CNTN5: variants seen among roughly 807,000 people sequenced by gnomAD.
CNTN5 encodes the protein contactin-5.
A neutral mutation model predicts 129.1 loss-of-function variants in CNTN5; 77 were observed. The observed-to-expected ratio is 0.60, with a 90% confidence interval of 0.50 to 0.72. The LOEUF (loss-of-function observed/expected upper bound fraction) is 0.72. Ranked by LOEUF, CNTN5 falls within the 30% of genes least tolerant of loss-of-function variation. The pLI is 0.00. For missense variants in CNTN5, 1,478 were observed against 1,328.8 expected (o/e 1.11, Z -1.75); for synonymous variants, 509 against 465.6 (o/e 1.09, Z -1.20).
At chr11:100,154,942 C>A (rs564162111) in intron 13 of CNTN5, among the ~76,000 whole-genome samples, 61 of 151,834 alleles carry the variant, frequency 4.0e-4, no homozygotes, top group African/African-American at 1.4e-3. Context: ...ATGGGTAGAT[C>A]ACAAAAATTT....
At chr11:99,983,965 T>C (rs757748253) in intron 8 of CNTN5, among the ~76,000 whole-genome samples, 20 of 152,086 alleles carry the variant, frequency 1.3e-4, no homozygotes, top group Admixed American at 1.2e-3. Context: ...ATTGGTATCA[T>C]AAGAAATAAA....
intron 13 of CNTN5, among the ~76,000 whole-genome samples, chr11:100,170,285 G>A (rs1046824742): frequency 2.0e-5 from 3 of 151,962 alleles, no homozygotes; most frequent in Non-Finnish European, 4.4e-5. Context: ...TAAAATCTGT[G>A]TATGATTTTG....
chr11:99,548,343 A>C (rs1283570687), intron 2 of CNTN5, among the ~76,000 whole-genome samples: 1 of 152,226 alleles, frequency 6.6e-6, no homozygotes, highest in Non-Finnish European at 1.5e-5. Context: ...AAATTGAAAG[A>C]GGTTCAGAGA....
intron 2 of CNTN5, among the ~76,000 whole-genome samples, chr11:99,533,694 A>G (rs1400630112): frequency 1.3e-5 from 2 of 152,212 alleles, no homozygotes; most frequent in African/African-American, 4.8e-5. Context: ...CAGGGAACCC[A>G]ATGCCTAAAG....
chr11:100,103,903 G>T (rs1456788487), intron 13 of CNTN5, among the ~76,000 whole-genome samples: 1 of 152,068 alleles, frequency 6.6e-6, no homozygotes, highest in Non-Finnish European at 1.5e-5. Flanking sequence ...AGAGATTTTT[G>T]ACTTACAGCA....
chr11:99,664,458 C>T (rs1308883506), intron 3 of CNTN5, among the ~76,000 whole-genome samples: 2 of 152,062 alleles, frequency 1.3e-5, no homozygotes, highest in African/African-American at 4.8e-5. Context: ...GGCAAGGGTG[C>T]AAGGAAAACC....
At chr11:100,039,131 G>C (rs1187672068) in intron 9 of CNTN5, among the ~76,000 whole-genome samples, 1 of 152,102 alleles carries the variant, frequency 6.6e-6, no homozygotes, top group Admixed American at 6.6e-5. Flanking sequence ...CATGTTTAGT[G>C]CTTCCTTCAG....
intron 9 of CNTN5, among the ~76,000 whole-genome samples, chr11:100,004,298 CT>C (rs570893144): frequency 9.2e-5 from 14 of 151,640 alleles, no homozygotes; most frequent in Non-Finnish European, 1.6e-4. Flanking sequence ...GCATGTCAAA[CT>C]TTTTTTTTGT....
chr11:99,731,557 A>T (rs1943535615), intron 3 of CNTN5, among the ~76,000 whole-genome samples: 2 of 152,144 alleles, frequency 1.3e-5, no homozygotes, highest in Non-Finnish European at 1.5e-5. Context: ...AGAGAGGAGG[A>T]TAGCAGTGCT....
At position 99,956,795 on chromosome 11, in the gene CNTN5, T is replaced by C. The variant is rs1950813933; in HGVS notation, c.674-11T>C. On this transcript the variant is annotated splice_polypyrimidine_tract_variant and intron_variant, in intron 7 of 24. Transcript: ENST00000524871. ...AAAGTCTTTCGTTGACCAAATTTTG[T>C]GTATTTTCAGAGATCATCTATAGCT... 1 of 1,609,892 alleles carries C rather than the reference T, an allele frequency of 6.2e-7. No individual in the cohort carries two copies. The highest frequency in any genetic ancestry group is 8.5e-7 in the Non-Finnish European group (1 of 1,177,300).
At chr11:100,075,585 C>T (rs536004330) in intron 13 of CNTN5, among the ~76,000 whole-genome samples, 1 of 151,758 alleles carries the variant, frequency 6.6e-6, no homozygotes, top group South Asian at 2.1e-4. Context: ...AGTATGTGAT[C>T]TAATGGTTAT....
intron 1 of CNTN5, among the ~76,000 whole-genome samples, chr11:99,280,518 G>A (rs991344900): frequency 6.6e-6 from 1 of 151,240 alleles, no homozygotes; most frequent in Non-Finnish European, 1.5e-5. Flanking sequence ...TCAATTGCCA[G>A]CAAGAAAAAC....
intron 2 of CNTN5, among the ~76,000 whole-genome samples, chr11:99,463,490 T>C (rs1944813984): frequency 6.6e-6 from 1 of 150,448 alleles, no homozygotes; most frequent in African/African-American, 2.4e-5. Context: ...AATCCAACTT[T>C]CAGTGAAGAA....
chr11:99,619,466 A>G (rs1950862780), intron 3 of CNTN5, among the ~76,000 whole-genome samples: 4 of 152,114 alleles, frequency 2.6e-5, no homozygotes, highest in Non-Finnish European at 5.9e-5. Context: ...AATTGCTTCC[A>G]TTTCACATTT....
intron 3 of CNTN5, among the ~76,000 whole-genome samples, chr11:99,699,575 G>A (rs2134857595): frequency 1.3e-5 from 2 of 151,410 alleles, no homozygotes; most frequent in African/African-American, 4.8e-5. Flanking sequence ...CACTACAAAG[G>A]CTAGGGATAA....
intron 15 of CNTN5, among the ~76,000 whole-genome samples, chr11:100,201,352 AG>A (rs1357865873): frequency 6.6e-6 from 1 of 151,928 alleles, no homozygotes; most frequent in East Asian, 1.9e-4. Context: ...AAAAAAAAAA[AG>A]TCTTAATTAT....
At chr11:100,356,045 C>T in intron 24 of CNTN5, 72 bp from the exon 25 acceptor site, 1 of 1,008,038 alleles carries the variant, frequency 9.9e-7, no homozygotes, top group Non-Finnish European at 1.5e-6. Context: ...GTCTTACATA[C>T]TAAAAACAAT....
intron 2 of CNTN5, among the ~76,000 whole-genome samples, chr11:99,399,490 CAT>C (rs1350495072): frequency 1.8e-4 from 28 of 151,680 alleles, no homozygotes. Context: ...TTTTACAAAA[CAT>C]GTAGAAATAT....
chr11:99,547,976 A>G (rs1948356218), intron 2 of CNTN5, among the ~76,000 whole-genome samples: 1 of 152,154 alleles, frequency 6.6e-6, no homozygotes, highest in African/African-American at 2.4e-5. Flanking sequence ...GAAATAATAT[A>G]TTTACCTATA....
Sources: allele counts gnomAD v4.1 joint callset (sites outside exome capture counted in the v4.1 genomes callset), GRCh38; gene constraint gnomAD v4.1.1; transcripts MANE v1.5; gene names NCBI Gene and HGNC (gene_info 2026-07-23, HGNC 2026-07-21).